The following POGZ variants were observed in gnomAD, a reference collection of about 807,000 sequenced individuals.
POGZ encodes pogo transposable element derived with ZNF domain.
A neutral mutation model predicts 134.6 loss-of-function variants in POGZ; 17 were observed. That is an observed-to-expected ratio of 0.13 (90% CI 0.09 to 0.19). The LOEUF (loss-of-function observed/expected upper bound fraction) is 0.19. POGZ is among the 10% of genes least tolerant of loss of function. The probability of loss-of-function intolerance (pLI) is 1.00; values close to 1 mark genes in which losing one functional copy is unlikely to be tolerated. For missense variants in POGZ, 1,306 were observed against 1,769.7 expected, an observed-to-expected ratio of 0.74 and a Z score of 4.70; for synonymous variants, 693 against 657.1, an observed-to-expected ratio of 1.05 and a Z score of -0.84.
At chr1:151,412,689 C>A (rs1183074497) in intron 10 of POGZ, among the ~76,000 whole-genome samples, 1 of 152,106 alleles carries the variant, frequency 6.6e-6, no homozygotes, top group African/African-American at 2.4e-5. Flanking sequence ...TCCTGTCTTA[C>A]CACTGTTTCC....
intron 3 of POGZ, 52 bp downstream of exon 3, chr1:151,440,876 A>T: frequency 6.6e-7 from 1 of 1,526,576 alleles, no homozygotes; most frequent in Non-Finnish European, 9.1e-7. Flanking sequence ...GACCTTTTTT[A>T]TTCTTTCACC....
At chr1:151,440,904 T>A (rs1220060347) in intron 3 of POGZ, 24 bp downstream of exon 3, 1 of 1,604,912 alleles carries the variant, frequency 6.2e-7, no homozygotes, top group East Asian at 2.2e-5. Flanking sequence ...CCCAGGATTA[T>A]TATTTCCCAA....
In POGZ at chr1:151,458,543, CCTT is replaced by C. The variant is rs201563827; in HGVS notation, c.-2+606_-2+608del. On this transcript the variant is annotated intron_variant, in intron 1 of 18. Transcript: ENST00000271715. ...TCCCGCTCAAAACGAGCGCCCCACT[CCTT>C]CTCGGAGCGGGAATGGGGCGGGGAG... Among the ~76,000 whole-genome samples, 1,387 of 151,646 alleles carry C rather than the reference CCTT, an allele frequency of 9.1e-3. 13 individuals carry two copies. Among genetic ancestry groups the C allele is most frequent in the Non-Finnish European group, 0.014 (961 of 67,842 alleles).
chr1:151,408,649 T>C, intron 13 of POGZ, 45 bp downstream of exon 13: 1 of 1,605,368 alleles, frequency 6.2e-7, no homozygotes, highest in Non-Finnish European at 8.5e-7. Context: ...AAAATCTCTA[T>C]TCCTCCCTCC....
chr1:151,412,154 T>C, intron 11 of POGZ, 142 bp downstream of exon 11: 1 of 554,482 alleles, frequency 1.8e-6, no homozygotes, highest in South Asian at 2.5e-5. Flanking sequence ...GAAGATAAAC[T>C]GTGTTTACTA....
At chr1:151,436,143 A>G (rs1659550354) in intron 3 of POGZ, among the ~76,000 whole-genome samples, 1 of 151,694 alleles carries the variant, frequency 6.6e-6, no homozygotes, top group South Asian at 2.1e-4. Context: ...TTTTTAGTAG[A>G]AACAGGGTTT....
chr1:151,457,524 T>G lies in POGZ; in HGVS notation c.-2+1628A>C, dbSNP rs995562999. On this transcript the variant is annotated intron_variant, in intron 1 of 18. Coordinates refer to ENST00000271715, the MANE Select transcript of POGZ (RefSeq NM_015100.4). ...TGTGCTAACAGTTCGAATTCAGAGT[T>G]CAAGCTCTCAGACCCTGAGCAATAG... Among the ~76,000 whole-genome samples, 15 of 152,274 alleles carry G rather than the reference T, an allele frequency of 9.9e-5. No homozygotes were observed. The East Asian group carries it at 2.9e-3, about 29-fold the overall frequency.
At chr1:151,408,663 G>A in intron 13 of POGZ, 31 bp downstream of exon 13, 1 of 1,610,028 alleles carries the variant, frequency 6.2e-7, no homozygotes. Context: ...TCCCTCCCTG[G>A]GCCTATAAAA....
chr1:151,433,173 G>A (rs1192266028), intron 3 of POGZ, among the ~76,000 whole-genome samples: 2 of 152,150 alleles, frequency 1.3e-5, no homozygotes, highest in Non-Finnish European at 2.9e-5. Flanking sequence ...TGGGAAATCA[G>A]TCAGCATTAG....
intron 3 of POGZ, among the ~76,000 whole-genome samples, chr1:151,436,209 T>C (rs1659560940): frequency 1.3e-5 from 2 of 152,098 alleles, no homozygotes; most frequent in African/African-American, 4.8e-5. Context: ...CCGCCTGCCT[T>C]GGCTTCCCAA....
rs78934933 is a variant in POGZ, at chr1:151,441,933, G to C, written c.124+148C>G. The C allele has an allele frequency of 6.3e-3, 3,602 of 572,468 alleles. 101 individuals carry two copies. Among genetic ancestry groups the C allele is most frequent in the African/African-American group, 0.061 (3,220 of 52,844 alleles). 35.5% of individuals were successfully genotyped at this position (572,468 alleles called of 1,614,324 possible). A position where few individuals can be genotyped will look rare whatever the true frequency, so the allele number is the denominator to read the frequency against. Reference sequence around the variant, plus strand: ...AGGAAACTGAGGTTTTCACAGACTAGAGCATGGGAAAAAAGGCAGCACCAG... The same window carrying C: ...AGGAAACTGAGGTTTTCACAGACTACAGCATGGGAAAAAAGGCAGCACCAG... On this transcript the variant is annotated intron_variant, in intron 2 of 18. Coordinates refer to ENST00000271715, the MANE Select transcript of POGZ (RefSeq NM_015100.4).
intron 10 of POGZ, among the ~76,000 whole-genome samples, chr1:151,422,996 A>G (rs1657193585): frequency 2.6e-5 from 4 of 152,266 alleles, no homozygotes; most frequent in Admixed American, 2.0e-4. Context: ...TTTCATTGAA[A>G]GCAATGTCTT....
chr1:151,416,668 G>A (rs1358412385), intron 10 of POGZ, among the ~76,000 whole-genome samples: 1 of 145,678 alleles, frequency 6.9e-6, no homozygotes, highest in Non-Finnish European at 1.5e-5. Context: ...CTGTCACCCA[G>A]GCTGGAGAGC....
chr1:151,403,960 T>G lies in POGZ; in HGVS notation c.*842A>C. On this transcript the variant is annotated 3_prime_UTR_variant, in exon 19 of 19. Transcript: ENST00000271715. ...CTCTTGCTTGCTAATAACACCTGTA[T>G]GATCCTTTGTCCAGAGGGATGGATG... is the stretch of plus-strand genomic sequence containing the variant. 4.1e-6 allele frequency: 4 copies of G among 985,466 alleles called. No homozygotes were observed. Among genetic ancestry groups the G allele is most frequent in the Non-Finnish European group, 4.8e-6 (4 of 829,938 alleles). The allele number at this position is 985,466 out of a possible 1,614,324, so 61.0% of individuals were successfully genotyped here.
In POGZ at chr1:151,404,540, A is replaced by G; in HGVS notation, c.*262T>C. The G allele has an allele frequency of 8.7e-7, 1 of 1,148,426 alleles. No individual in the cohort carries two copies. Among genetic ancestry groups the G allele is most frequent in the Non-Finnish European group, 1.1e-6 (1 of 934,542 alleles). 71.1% of individuals were successfully genotyped at this position (1,148,426 alleles called of 1,614,324 possible). ...ACACAGTGATTTAAATTTAAAAAAAAAAAAAGTCACAAAAACCTGTTTTTA... is the reference window on the plus strand; with the variant it reads ...ACACAGTGATTTAAATTTAAAAAAAGAAAAAGTCACAAAAACCTGTTTTTA... On this transcript the variant is annotated 3_prime_UTR_variant, in exon 19 of 19. Coordinates refer to ENST00000271715, the MANE Select transcript of POGZ (RefSeq NM_015100.4).
At chr1:151,444,020 G>C (rs1486578887) in intron 1 of POGZ, among the ~76,000 whole-genome samples, 1 of 152,194 alleles carries the variant, frequency 6.6e-6, no homozygotes, top group Non-Finnish European at 1.5e-5. Context: ...GTAGCAGTTT[G>C]CAAGAAGCCC....
intron 1 of POGZ, among the ~76,000 whole-genome samples, chr1:151,446,747 C>T (rs1404648810): frequency 9.6e-6 from 1 of 104,160 alleles, no homozygotes; most frequent in Non-Finnish European, 1.8e-5. Flanking sequence ...TAGAGCAAGA[C>T]TCCATCTCAA....
In POGZ at chr1:151,403,997, G is replaced by C; in HGVS notation, c.*805C>G. ...CAGAGGGATGGATGGTGTTGAGAAT[G>C]GGGAAAGGGGCCAAGGATCACAAGT... On this transcript the variant is annotated 3_prime_UTR_variant, in exon 19 of 19. Transcript: ENST00000271715. 2 of 985,296 alleles carry C rather than the reference G, an allele frequency of 2.0e-6. No individual in the cohort carries two copies. Among genetic ancestry groups the C allele is most frequent in the Non-Finnish European group, 1.2e-6 (1 of 829,832 alleles). The allele number at this position is 985,296 out of a possible 1,614,324, so 61.0% of individuals were successfully genotyped here.
intron 3 of POGZ, among the ~76,000 whole-genome samples, chr1:151,431,721 T>C (rs562378942): frequency 9.9e-4 from 150 of 152,228 alleles, no homozygotes; most frequent in African/African-American, 3.4e-3. Flanking sequence ...TATTGAAATA[T>C]CTTAAATTCT....
Sources: gnomAD v4.1 joint callset for allele counts (sites outside exome capture counted in the v4.1 genomes callset) on GRCh38, gnomAD v4.1.1 for gene constraint, MANE v1.5 for transcripts, NCBI Gene and HGNC (gene_info 2026-07-23, HGNC 2026-07-21) for gene names.